FSIP2: variants seen among roughly 807,000 people sequenced by gnomAD.
FSIP2 encodes the protein fibrous sheath interacting protein 2, also known as fibrous sheath-interacting protein 2.
Under a neutral mutation model 510.5 loss-of-function variants are expected in FSIP2, and 367 were observed. The ratio of observed to expected loss-of-function variants is 0.72; its 90% CI spans 0.66 to 0.78. FSIP2 has a LOEUF of 0.78. FSIP2 is among the 30% of genes least tolerant of loss of function. The pLI, the probability that FSIP2 is intolerant of heterozygous loss-of-function variation, is 0.00. For synonymous variants in FSIP2, 2,601 were observed against 2,732.2 expected (o/e 0.95, Z 1.50); for missense variants, 7,594 against 7,901.7 (o/e 0.96, Z 1.48).
At position 185,801,563 on chromosome 2, in the gene FSIP2, A is replaced by G. The variant is rs1693435888; in HGVS notation, c.12257A>G (p.Glu4086Gly). Residue 4086 changes from glutamate (E) to glycine (G), a missense_variant, in exon 17 of 23, where the codon GAG (glutamate) becomes GGG (glycine). By Grantham distance (98) the Glu-to-Gly change is moderately conservative. Coordinates refer to ENST00000424728, the MANE Select transcript of FSIP2 (RefSeq NM_173651.4). Reference protein sequence around the residue: ...AEQITNGILLEILDYKLPSCF... With the variant: ...AEQITNGILLGILDYKLPSCF... ...CAAATAACAAATGGCATATTGTTAG[A>G]GATTTTAGACTACAAACTGCCATCT... 6.5e-7 allele frequency: 1 copy of G among 1,534,146 alleles called. No individual in the cohort carries two copies. The highest frequency in any genetic ancestry group is 1.4e-5 in the African/African-American group (1 of 73,002).
At position 185,788,583 on chromosome 2, in the gene FSIP2, C is replaced by CA; in HGVS notation, c.1507-56dup. ...AAAATTAAATGTTACCTTCTGTCTC[C>CA]AAAACATAGAGTAAGTTGTTACATG... On this transcript the variant is annotated intron_variant, in intron 15 of 22. Transcript: ENST00000424728. 4 of 1,225,376 alleles carry CA rather than the reference C, an allele frequency of 3.3e-6. No homozygotes were observed. In the South Asian group the frequency reaches 5.2e-5, roughly 16 times the overall value. 75.9% of individuals were successfully genotyped at this position (1,225,376 alleles called of 1,614,324 possible). A position where few individuals can be genotyped will look rare whatever the true frequency, so the allele number is the denominator to read the frequency against.
intron 11 of FSIP2, 127 bp downstream of exon 11, chr2:185,762,144 A>G: frequency 2.0e-6 from 1 of 509,430 alleles, no homozygotes; most frequent in Non-Finnish European, 3.4e-6. Context: ...AGGCTGATAT[A>G]AATTTTTTAT....
At position 185,802,534 on chromosome 2, in the gene FSIP2, G is replaced by A. The variant is rs1357825277; in HGVS notation, c.13228G>A (p.Val4410Ile). The change falls in exon 17 of 23, where the codon GTA (valine) becomes ATA (isoleucine). Residue 4410 changes from valine (V) to isoleucine (I), a missense_variant. Val to Ile is a conservative substitution (Grantham distance 29). Coordinates refer to ENST00000424728, the MANE Select transcript of FSIP2 (RefSeq NM_173651.4). ...TGTGGAAAATATTACCAATTTAATT[G>A]TAGCAGCTATTTCAGATTACCTTCT... ...IFVENITNLIVAAISDYLLHP... is the reference protein window; with the variant it reads ...IFVENITNLIIAAISDYLLHP... The A allele has an allele frequency of 6.5e-7, 1 of 1,530,842 alleles. No homozygotes were observed. Among genetic ancestry groups the A allele is most frequent in the East Asian group, 2.5e-5 (1 of 40,810 alleles). The allele number at this position is 1,530,842 out of a possible 1,614,324, so 94.8% of individuals were successfully genotyped here.
At position 185,753,750 on chromosome 2, in the gene FSIP2, C is replaced by G. The variant is rs1574156565; in HGVS notation, c.899C>G (p.Ala300Gly). The change falls in exon 8 of 23, where the codon GCT (alanine) becomes GGT (glycine). Residue 300 changes from alanine to glycine, a missense_variant. Coordinates refer to ENST00000424728, the MANE Select transcript of FSIP2 (RefSeq NM_173651.4). ...CAAGATCTTCTAGAGAAAAAAATGG[C>G]TTATCATTTACAAAAAATGCAAGAT... is the stretch of plus-strand genomic sequence containing the variant. ...KKQDLLEKKM[A>G]YHLQKMQDTG... is the part of the protein sequence containing the mutation. 9 of 1,328,548 alleles carry G rather than the reference C, an allele frequency of 6.8e-6. No homozygotes were observed. The highest frequency in any genetic ancestry group is 4.4e-5 in the African/African-American group (3 of 67,442). 82.3% of individuals were successfully genotyped at this position (1,328,548 alleles called of 1,614,324 possible).
intron 13 of FSIP2, among the ~76,000 whole-genome samples, chr2:185,781,843 C>CT (rs199815434): frequency 0.54 from 79,273 of 147,500 alleles, 21,237 homozygotes; most frequent in South Asian, 0.62. Flanking sequence ...TATGGGCACT[C>CT]TTTTTTTTTT....
intron 7 of FSIP2, among the ~76,000 whole-genome samples, chr2:185,752,897 T>G (rs1193610168): frequency 6.6e-6 from 1 of 151,494 alleles, no homozygotes; most frequent in Non-Finnish European, 1.5e-5. Context: ...CTGAATATTT[T>G]TATCTTCTTA....
At chr2:185,771,356 A>G (rs2887762) in intron 13 of FSIP2, among the ~76,000 whole-genome samples, 82,773 of 152,068 alleles carry the variant, frequency 0.54, 22,790 homozygotes, top group South Asian at 0.64. Flanking sequence ...TTCTGCCTGG[A>G]CATCCTGCCT....
Position 185,789,313 on chromosome 2 carries a change from T to C in FSIP2, c.2177T>C (p.Leu726Pro). ...GATTTAACCCAGGCCATTCCCTCTC[T>C]CTCTTCTGTTACTGCTGAAGTTTTT... ...MSDLTQAIPSLSSVTAEVFVE... is the reference protein window; with the variant it reads ...MSDLTQAIPSPSSVTAEVFVE... Residue 726 changes from leucine (L) to proline (P), a missense_variant, in exon 16 of 23, where the codon CTC becomes CCC. By Grantham distance (98) the Leu-to-Pro change is moderately conservative. Transcript: ENST00000424728. The C allele has an allele frequency of 6.5e-7, 1 of 1,534,880 alleles. No homozygotes were observed. Among genetic ancestry groups the C allele is most frequent in the Non-Finnish European group, 8.7e-7 (1 of 1,145,990 alleles).
chr2:185,791,483 G>A lies in FSIP2; in HGVS notation c.4347G>A (p.Gly1449=). ...TLHEMLSKLL[G]THLHSQLSCS... is the part of the protein sequence containing the mutation. The stretch of plus-strand genomic sequence containing the variant: ...ATGAAATGTTAAGCAAGCTCCTGGG[G>A]ACCCATCTTCATTCTCAGCTATCTT... Residue 1449 remains glycine, a synonymous_variant, in exon 16 of 23, where the codon GGG becomes GGA. Transcript: ENST00000424728. 6.5e-7 allele frequency: 1 copy of A among 1,534,270 alleles called. No homozygotes were observed. Among genetic ancestry groups the A allele is most frequent in the Non-Finnish European group, 8.7e-7 (1 of 1,145,662 alleles).
upstream of FSIP2, chr2:185,738,754 T>C (rs1475380575): frequency 1.3e-6 from 2 of 1,535,796 alleles, no homozygotes; most frequent in East Asian, 2.4e-5. Context: ...GCCGCTACCA[T>C]TGGAAGCCTG....
At chr2:185,811,319 A>G (rs1415862436) in intron 17 of FSIP2, among the ~76,000 whole-genome samples, 1 of 151,824 alleles carries the variant, frequency 6.6e-6, no homozygotes, top group Non-Finnish European at 1.5e-5. Context: ...AAATACAAAA[A>G]TTAGCTGGGC....
chr2:185,741,242 T>C (rs998279168), intron 2 of FSIP2, among the ~76,000 whole-genome samples: 2 of 151,204 alleles, frequency 1.3e-5, no homozygotes, highest in African/African-American at 4.9e-5. Context: ...AGATGTTCTA[T>C]TTTTTATTAC....
rs1205981565 is a variant in FSIP2 at position 185,792,863 on chromosome 2, CAAG to C, written c.5728_5730del (p.Lys1910del). On this transcript the variant is annotated inframe_deletion, in exon 16 of 23. Transcript: ENST00000424728. ...TTCAGTCTAGATTCAGCGTTGCTGACAAGGAGACAAAGGTAAATCTAGCTGAAG... is the reference window on the plus strand; with the variant it reads ...TTCAGTCTAGATTCAGCGTTGCTGACGAGACAAAGGTAAATCTAGCTGAAG... The C allele has an allele frequency of 6.5e-7, 1 of 1,534,072 alleles. No homozygotes were observed. Among genetic ancestry groups the C allele is most frequent in the Admixed American group, 2.0e-5 (1 of 50,850 alleles).
Position 185,801,988 on chromosome 2 carries a change from CTT to C in FSIP2, c.12683_12684del (p.Leu4228ArgfsTer16). The C allele has an allele frequency of 2.6e-6, 4 of 1,523,330 alleles. No individual in the cohort carries two copies. The highest frequency in any genetic ancestry group is 2.5e-5 in the East Asian group (1 of 40,774). 94.4% of individuals were successfully genotyped at this position (1,523,330 alleles called of 1,614,324 possible). Reference protein sequence around the residue: ...YCNILQMSDSLVSIQKSIVSR... With the variant: ...YCNILQMSDSXVSIQKSIVSR... ...TAATATTTTGCAAATGTCTGACTCT[CTT>C]GTTTCAATACAAAAAAGTATAGTAA... On this transcript the variant is annotated frameshift_variant, in exon 17 of 23. Transcript: ENST00000424728. LOFTEE classifies it high-confidence loss of function.
At chr2:185,785,311 C>T (rs1227787750) in intron 14 of FSIP2, among the ~76,000 whole-genome samples, 1 of 152,030 alleles carries the variant, frequency 6.6e-6, no homozygotes, top group Non-Finnish European at 1.5e-5. Context: ...TAAGGGTAGA[C>T]TATTGTCATG....
chr2:185,814,747 A>G (rs1414877269), intron 18 of FSIP2, among the ~76,000 whole-genome samples: 1 of 152,036 alleles, frequency 6.6e-6, no homozygotes, highest in Non-Finnish European at 1.5e-5. Flanking sequence ...TGTAATTCTA[A>G]TTAATTTTAG....
At position 185,802,347 on chromosome 2, in the gene FSIP2, T is replaced by G; in HGVS notation, c.13041T>G (p.Asn4347Lys). 2 of 1,533,296 alleles carry G rather than the reference T, an allele frequency of 1.3e-6. No individual in the cohort carries two copies. Among genetic ancestry groups the G allele is most frequent in the Non-Finnish European group, 1.7e-6 (2 of 1,145,240 alleles). 95.0% of individuals were successfully genotyped at this position (1,533,296 alleles called of 1,614,324 possible). ...RIVNSINRHF[N>K]KAKIHILYDD... ...TAAACTCCATAAATAGGCATTTCAA[T>G]AAAGCTAAAATTCACATTCTCTATG... Residue 4347 changes from asparagine (N) to lysine (K), a missense_variant, in exon 17 of 23, where the codon AAT becomes AAG. Transcript: ENST00000424728.
intron 2 of FSIP2, 37 bp downstream of exon 2, chr2:185,739,508 T>C: frequency 7.0e-7 from 1 of 1,431,716 alleles, no homozygotes. Flanking sequence ...TCCTTTACCC[T>C]TTACTACTTG....
intron 19 of FSIP2, among the ~76,000 whole-genome samples, chr2:185,819,957 G>T (rs1693885160): frequency 6.6e-6 from 1 of 151,884 alleles, no homozygotes; most frequent in African/African-American, 2.4e-5. Flanking sequence ...CTAACAGATT[G>T]AAGAGGAAAT....
Sources: allele counts gnomAD v4.1 joint callset (sites outside exome capture counted in the v4.1 genomes callset), GRCh38; gene constraint gnomAD v4.1.1; transcripts MANE v1.5; gene names NCBI Gene and HGNC (gene_info 2026-07-23, HGNC 2026-07-21).